Variants in FLT1 observed in about 807,000 individuals in gnomAD.
The protein encoded by FLT1 is fms related receptor tyrosine kinase 1, also known as vascular endothelial growth factor receptor 1.
Under a neutral mutation model 156.3 loss-of-function variants are expected in FLT1, and 49 were observed. That is an observed-to-expected ratio of 0.31 (90% CI 0.25 to 0.40). The LOEUF is 0.40. FLT1 is among the 10% of genes least tolerant of loss of function. FLT1 has a pLI of 1.00. For synonymous variants in FLT1, 594 were observed against 583.8 expected, an observed-to-expected ratio of 1.02 and a Z score of -0.25; for missense variants, 1,322 against 1,637.2, an observed-to-expected ratio of 0.81 and a Z score of 3.32.
At position 28,466,465 on chromosome 13, in the gene FLT1, A is replaced by G. The variant is rs900840840; in HGVS notation, c.388+438T>C. ...AACCAGTTATATAACACTCGAGATAACAGCAACATTGCGTTTATTAATTTA... is the reference window on the plus strand; with the variant it reads ...AACCAGTTATATAACACTCGAGATAGCAGCAACATTGCGTTTATTAATTTA... On this transcript the variant is annotated intron_variant, in intron 3 of 29. Transcript: ENST00000282397. 2.0e-5 allele frequency among the ~76,000 whole-genome samples: 3 copies of G among 152,356 alleles called. No individual in the cohort carries two copies. In the Middle Eastern group the frequency reaches 0.01, roughly 518 times the overall value.
intron 11 of FLT1, 40 bp downstream of exon 11, chr13:28,405,740 G>T (rs781634572): frequency 9.3e-7 from 1 of 1,077,834 alleles, no homozygotes; most frequent in South Asian, 1.2e-5. Context: ...GAGTGTATTT[G>T]TGGAATAAAT....
chr13:28,361,325 A>C (rs1873106414), intron 14 of FLT1, among the ~76,000 whole-genome samples: 3 of 151,908 alleles, frequency 2.0e-5, no homozygotes, highest in Admixed American at 6.6e-5. Context: ...AACTCCAAAC[A>C]CCTACAATCT....
chr13:28,431,008 T>A, intron 7 of FLT1, 128 bp downstream of exon 7: 1 of 836,112 alleles, frequency 1.2e-6, no homozygotes, highest in Non-Finnish European at 2.0e-6. Context: ...GAGGGAACCA[T>A]GGCCAAGCTG....
Position 28,322,930 on chromosome 13 carries a change from A to G in FLT1, c.2813T>C (p.Met938Thr). 3 of 1,614,068 alleles carry G rather than the reference A, an allele frequency of 1.9e-6. No individual in the cohort carries two copies. Among genetic ancestry groups the G allele is most frequent in the Non-Finnish European group, 2.5e-6 (3 of 1,180,024 alleles). Residue 938 changes from methionine (M) to threonine (T), a missense_variant, in exon 21 of 30, where the codon ATG (methionine) becomes ACG (threonine). Transcript: ENST00000282397. This position sits in a 1 kb window ranked among gnomAD's most constrained non-coding sequence, Gnocchi z 4.3. ...CTCCATTTTTTCTTTCTTAGGCTCC[A>G]TGTGTAGTGCTGCATCCTTTGAAGA... ...FFLNKDAALH[M>T]EPKKEKMEPG...
intron 3 of FLT1, among the ~76,000 whole-genome samples, chr13:28,464,094 T>C (rs186807673): frequency 1.4e-3 from 220 of 152,314 alleles, no homozygotes; most frequent in African/African-American, 5.1e-3. Flanking sequence ...GTATCAGTGC[T>C]ATTTAAAAAT....
chr13:28,389,237 A>C (rs1044066388), intron 13 of FLT1: 1 of 1,125,236 alleles, frequency 8.9e-7, no homozygotes, highest in African/African-American at 1.6e-5. Flanking sequence ...AATAGTCCCA[A>C]ATAAAACCAG....
At chr13:28,376,712 C>T (rs1023671848) in intron 14 of FLT1, among the ~76,000 whole-genome samples, 1 of 152,174 alleles carries the variant, frequency 6.6e-6, no homozygotes, top group Admixed American at 6.5e-5. Flanking sequence ...TCTTGCAGCA[C>T]CTGCTCAGCA....
At chr13:28,414,871 A>G (rs78659388) in intron 10 of FLT1, among the ~76,000 whole-genome samples, 4,900 of 152,310 alleles carry the variant, frequency 0.032, 208 homozygotes, top group Admixed American at 0.11. Context: ...GTGTGCTGAA[A>G]AAGGGGCTCT....
intron 13 of FLT1, chr13:28,387,182 A>G: frequency 3.9e-6 from 4 of 1,036,126 alleles, no homozygotes; most frequent in Non-Finnish European, 4.6e-6. Flanking sequence ...CAGAACGTAC[A>G]TGGGACTCTC....
intron 15 of FLT1, among the ~76,000 whole-genome samples, chr13:28,351,955 G>T (rs538903202): frequency 2.6e-5 from 4 of 152,190 alleles, no homozygotes; most frequent in Non-Finnish European, 5.9e-5. Context: ...CTTACAACAA[G>T]CCTACAAAGA....
chr13:28,475,712 T>C (rs1323790341), intron 1 of FLT1, among the ~76,000 whole-genome samples: 1 of 152,242 alleles, frequency 6.6e-6, no homozygotes, highest in Non-Finnish European at 1.5e-5. Context: ...AAAAAAAAGT[T>C]AACTCTTAGT....
At chr13:28,306,493 C>T (rs1374431912) in intron 29 of FLT1, among the ~76,000 whole-genome samples, 185 bp downstream of exon 29, 1 of 152,186 alleles carries the variant, frequency 6.6e-6, no homozygotes, top group African/African-American at 2.4e-5. Flanking sequence ...GCTTGCTGCT[C>T]ATATGTCCCG....
intron 23 of FLT1, among the ~76,000 whole-genome samples, chr13:28,319,735 T>C (rs1010825400): frequency 6.6e-6 from 1 of 152,168 alleles, no homozygotes; most frequent in Non-Finnish European, 1.5e-5. Context: ...CTGAGTCCCA[T>C]GAAGGCAGTA....
At chr13:28,472,484 T>C (rs888237102) in intron 1 of FLT1, among the ~76,000 whole-genome samples, 16 of 152,216 alleles carry the variant, frequency 1.1e-4, no homozygotes, top group African/African-American at 3.9e-4. Flanking sequence ...ACTAAGAGTA[T>C]GTTTAGAAAA....
intron 29 of FLT1, 130 bp from the exon 30 acceptor site, chr13:28,303,498 C>CT: frequency 3.8e-6 from 3 of 797,794 alleles, no homozygotes; most frequent in Non-Finnish European, 6.2e-6. Flanking sequence ...TGGAACCCCC[C>CT]CCCCCTCAAT....
At chr13:28,449,032 G>T (rs1878774522) in intron 3 of FLT1, among the ~76,000 whole-genome samples, 1 of 152,188 alleles carries the variant, frequency 6.6e-6, no homozygotes, top group Non-Finnish European at 1.5e-5. Flanking sequence ...TGTAATTCCA[G>T]CACTTTGGGA....
In FLT1 at chr13:28,437,707, T is replaced by C. The variant is rs913252766; in HGVS notation, c.513+514A>G. Among the ~76,000 whole-genome samples, 2 of 152,168 alleles carry C rather than the reference T, an allele frequency of 1.3e-5. 1 individual carries two copies. Among genetic ancestry groups the C allele is most frequent in the South Asian group, 4.1e-4 (2 of 4,824 alleles). On this transcript the variant is annotated intron_variant, in intron 4 of 29. Coordinates refer to ENST00000282397, the MANE Select transcript of FLT1 (RefSeq NM_002019.4). ...CGTATGGCCTTCTTTCCTCCCTTTTTCCCTAAGAGATGAAGTTTGGGTGCT... is the reference window on the plus strand; with the variant it reads ...CGTATGGCCTTCTTTCCTCCCTTTTCCCCTAAGAGATGAAGTTTGGGTGCT...
At chr13:28,448,976 C>T (rs1878770601) in intron 3 of FLT1, among the ~76,000 whole-genome samples, 1 of 152,154 alleles carries the variant, frequency 6.6e-6, no homozygotes, top group African/African-American at 2.4e-5. Flanking sequence ...ATAGAACCAT[C>T]ATGATTTAAA....
chr13:28,359,089 A>G (rs1873016450), intron 14 of FLT1, among the ~76,000 whole-genome samples: 1 of 152,224 alleles, frequency 6.6e-6, no homozygotes. Flanking sequence ...AGATGTACTC[A>G]ATATAGAAAA....
Sources: allele counts gnomAD v4.1 joint callset (sites outside exome capture counted in the v4.1 genomes callset), GRCh38; gene constraint gnomAD v4.1.1; non-coding constraint Gnocchi (gnomAD v3.1); transcripts MANE v1.5; gene names NCBI Gene and HGNC (gene_info 2026-07-23, HGNC 2026-07-21).